Variants in CDH13 observed in about 807,000 individuals in gnomAD.
CDH13 encodes the protein cadherin-13.
CDH13 carries 24 observed loss-of-function variants against 63.8 expected under a neutral mutation model. The ratio of observed to expected loss-of-function variants is 0.38; its 90% CI spans 0.27 to 0.53. The LOEUF (loss-of-function observed/expected upper bound fraction) is 0.53, where lower values mean the gene tolerates loss of function less well. Among genes scored for constraint, CDH13 ranks in the 20% least tolerant of loss-of-function variants. CDH13 has a pLI of 0.85. For synonymous variants in CDH13, 503 were observed against 355.3 expected, an observed-to-expected ratio of 1.42 and a Z score of -4.67; for missense variants, 1,049 against 903.1, an observed-to-expected ratio of 1.16 and a Z score of -2.07.
intron 5 of CDH13, among the ~76,000 whole-genome samples, chr16:83,328,708 G>A (rs2090422064): frequency 6.6e-6 from 1 of 152,176 alleles, no homozygotes; most frequent in South Asian, 2.1e-4. Flanking sequence ...TGGAGTGGAT[G>A]TGTATAAGGA....
chr16:83,284,634 AAAATGGC>A (rs544647768), intron 5 of CDH13, among the ~76,000 whole-genome samples: 141 of 152,312 alleles, frequency 9.3e-4, no homozygotes, highest in African/African-American at 3.2e-3. Flanking sequence ...AGTGCAGAAA[AAAATGGC>A]AAAGTGTTTA....
chr16:83,331,545 A>G lies in CDH13; in HGVS notation c.637-13317A>G, dbSNP rs531254408. Among the ~76,000 whole-genome samples the G allele has an allele frequency of 3.3e-5, 5 of 152,352 alleles. No individual in the cohort carries two copies. The East Asian group carries it at 5.8e-4, about 18-fold the overall frequency. ...GTAGTCACTGCCTGAACAAGTTACA[A>G]TCTTAAAATAAAAACCTTATTGATT... On this transcript the variant is annotated intron_variant, in intron 5 of 13. Coordinates refer to ENST00000567109, the MANE Select transcript of CDH13 (RefSeq NM_001257.5).
intron 10 of CDH13, among the ~76,000 whole-genome samples, chr16:83,718,512 G>A (rs772697946): frequency 6.6e-6 from 1 of 152,204 alleles, no homozygotes; most frequent in Non-Finnish European, 1.5e-5. Flanking sequence ...GCAGTGGAAT[G>A]TTCATGAAGA....
At chr16:82,995,473 T>C (rs1453881803) in intron 2 of CDH13, among the ~76,000 whole-genome samples, 4 of 152,122 alleles carry the variant, frequency 2.6e-5, no homozygotes, top group Admixed American at 1.3e-4. Flanking sequence ...TGGTGAATCA[T>C]CTTGAATTAA....
At chr16:82,952,246 C>G (rs74663342) in intron 2 of CDH13, among the ~76,000 whole-genome samples, 3,036 of 152,296 alleles carry the variant, frequency 0.02, 49 homozygotes, top group South Asian at 0.033. Context: ...CCACTTCTAC[C>G]TGTCATGTAC....
chr16:83,341,638 T>C (rs116562276), intron 5 of CDH13, among the ~76,000 whole-genome samples: 2,924 of 152,278 alleles, frequency 0.019, 103 homozygotes, highest in African/African-American at 0.066. Flanking sequence ...CATCTCTGCC[T>C]TCCCAGGGAC....
intron 10 of CDH13, among the ~76,000 whole-genome samples, chr16:83,714,844 G>A (rs1036845772): frequency 6.6e-6 from 1 of 152,082 alleles, no homozygotes; most frequent in Non-Finnish European, 1.5e-5. Context: ...CGATGAGAAT[G>A]GGTCTTTATC....
In CDH13 at chr16:83,750,655, A is replaced by G. The variant is rs565050452; in HGVS notation, c.1681+2405A>G. On this transcript the variant is annotated intron_variant, in intron 11 of 13. Coordinates refer to ENST00000567109, the MANE Select transcript of CDH13 (RefSeq NM_001257.5). The stretch of plus-strand genomic sequence containing the variant: ...CATGCACACAGGGAGAACACCACAT[A>G]AAATGAAGGCAGAGATCAGGGTGAT... Among the ~76,000 whole-genome samples the G allele has an allele frequency of 2.6e-5, 4 of 152,334 alleles. No homozygotes were observed. The South Asian group carries it at 8.3e-4, about 32-fold the overall frequency.
rs1567779052 is a variant in CDH13, at chr16:83,047,192, T to C, written c.366+14974T>C. Reference sequence around the variant, plus strand: ...CTGCAGACTATAAGCAGACTTTATCTGAAGACCACCTCCTGCCCCTCACTC... The same window carrying C: ...CTGCAGACTATAAGCAGACTTTATCCGAAGACCACCTCCTGCCCCTCACTC... On this transcript the variant is annotated intron_variant, in intron 3 of 13. Coordinates refer to ENST00000567109, the MANE Select transcript of CDH13 (RefSeq NM_001257.5). The surrounding 1 kb of genome is among the most constrained non-coding windows in gnomAD (Gnocchi z 4.9). Among the ~76,000 whole-genome samples, 1 of 152,246 alleles carries C rather than the reference T, an allele frequency of 6.6e-6. No individual in the cohort carries two copies. The highest frequency in any genetic ancestry group is 1.5e-5 in the Non-Finnish European group (1 of 68,046).
intron 1 of CDH13, among the ~76,000 whole-genome samples, chr16:82,685,162 G>A (rs62036329): frequency 6.6e-6 from 1 of 152,202 alleles, no homozygotes; most frequent in African/African-American, 2.4e-5. Flanking sequence ...ATCTTAATCT[G>A]TTTGAGCTGC....
chr16:82,949,504 T>A (rs898114923), intron 2 of CDH13, among the ~76,000 whole-genome samples: 2 of 152,180 alleles, frequency 1.3e-5, no homozygotes, highest in African/African-American at 4.8e-5. Context: ...GGGGACACAA[T>A]TCAACCCCTA....
intron 1 of CDH13, among the ~76,000 whole-genome samples, chr16:82,695,822 A>C (rs1475561482): frequency 6.6e-6 from 1 of 152,238 alleles, no homozygotes; most frequent in African/African-American, 2.4e-5. Flanking sequence ...TTTGTAAGAC[A>C]GCACATTTAA....
At chr16:83,528,056 C>G (rs2075002555) in intron 7 of CDH13, among the ~76,000 whole-genome samples, 1 of 152,164 alleles carries the variant, frequency 6.6e-6, no homozygotes, top group Admixed American at 6.5e-5. Context: ...GATAATGAGC[C>G]AGAAGTGGGC....
chr16:83,393,946 G>A (rs959221403), intron 6 of CDH13, among the ~76,000 whole-genome samples: 6 of 152,152 alleles, frequency 3.9e-5, no homozygotes, highest in African/African-American at 1.4e-4. Context: ...GTCCTGTGCA[G>A]GAACATGGAT....
intron 1 of CDH13, among the ~76,000 whole-genome samples, chr16:82,770,776 C>T (rs1177907688): frequency 3.3e-5 from 5 of 152,098 alleles, no homozygotes; most frequent in African/African-American, 4.8e-5. Flanking sequence ...GGCGTGATCT[C>T]GGCTCACTGC....
intron 2 of CDH13, among the ~76,000 whole-genome samples, chr16:82,911,797 C>A (rs1381086878): frequency 6.6e-6 from 1 of 152,076 alleles, no homozygotes; most frequent in Admixed American, 6.5e-5. Flanking sequence ...GGCTCCTGTC[C>A]TGGAATCCTG....
At chr16:83,070,857 C>A (rs797005833) in intron 3 of CDH13, among the ~76,000 whole-genome samples, 1 of 34,270 alleles carries the variant, frequency 2.9e-5, no homozygotes, top group Non-Finnish European at 5.0e-5. Flanking sequence ...AATAAACAGC[C>A]CCCCCCCCCC....
intron 1 of CDH13, among the ~76,000 whole-genome samples, chr16:82,684,692 A>T (rs2150965744): frequency 6.6e-6 from 1 of 151,980 alleles, no homozygotes; most frequent in East Asian, 1.9e-4. Flanking sequence ...ATTGCTTTTG[A>T]TCCTTTTTCC....
chr16:82,727,814 C>T (rs1276493738), intron 1 of CDH13: 2 of 152,184 alleles, frequency 1.3e-5, no homozygotes, highest in African/African-American at 4.8e-5. Context: ...AATCTGCTCA[C>T]CCTACAATGG....
Sources: gnomAD v4.1 joint callset for allele counts (sites outside exome capture counted in the v4.1 genomes callset) on GRCh38, gnomAD v4.1.1 for gene constraint, Gnocchi (gnomAD v3.1) non-coding constraint, MANE v1.5 for transcripts, NCBI Gene and HGNC (gene_info 2026-07-23, HGNC 2026-07-21) for gene names.